DEGS2: variants seen among roughly 807,000 people sequenced by gnomAD.
DEGS2 encodes delta 4-desaturase, sphingolipid 2.
In DEGS2, 19 loss-of-function variants were observed where a neutral mutation model predicts 23.8. The ratio of observed to expected loss-of-function variants is 0.80; its 90% CI spans 0.56 to 1.17. The LOEUF (loss-of-function observed/expected upper bound fraction) is 1.17, where lower values mean the gene tolerates loss of function less well. DEGS2 is among the 50% of genes most tolerant of loss of function. The pLI, the probability that DEGS2 is intolerant of heterozygous loss-of-function variation, is 0.00. For missense variants in DEGS2, 390 were observed against 459.5 expected (o/e 0.85, Z 1.38); for synonymous variants, 218 against 213.7 (o/e 1.02, Z -0.18).
At chr14:100,160,349 A>G (rs2895857), upstream of DEGS2, among the ~76,000 whole-genome samples, 2 of 152,234 alleles carry the variant, frequency 1.3e-5, no homozygotes, top group Non-Finnish European at 2.9e-5. Flanking sequence ...CTAGGATCCA[A>G]TAGAAGGAAC....
intron 1 of DEGS2, among the ~76,000 whole-genome samples, chr14:100,151,683 G>A (rs1304351286): frequency 6.6e-6 from 1 of 152,206 alleles, no homozygotes; most frequent in African/African-American, 2.4e-5. Flanking sequence ...TTGCACCCAA[G>A]GAGTTCCAGA....
At chr14:100,159,854 C>G (rs1430203114), upstream of DEGS2, 2 of 267,566 alleles carry the variant, frequency 7.5e-6, no homozygotes, top group Non-Finnish European at 1.4e-5. Flanking sequence ...ACCGAGGTGG[C>G]CGCGTGCCAT....
At chr14:100,154,498 C>A (rs780427653) in intron 1 of DEGS2, among the ~76,000 whole-genome samples, 6 of 152,242 alleles carry the variant, frequency 3.9e-5, no homozygotes, top group Non-Finnish European at 8.8e-5. Context: ...GCCTCTGTGG[C>A]TGGGAGCCCA....
At position 100,147,170 on chromosome 14, in the gene DEGS2, T is replaced by C. The variant is rs61991267; in HGVS notation, c.826-263A>G. Among the ~76,000 whole-genome samples the C allele has an allele frequency of 8.3e-3, 1,261 of 152,302 alleles. 12 individuals carry two copies. The highest frequency in any genetic ancestry group is 0.015 in the Non-Finnish European group (1,001 of 68,014). On this transcript the variant is annotated intron_variant, in intron 2 of 2. Coordinates refer to ENST00000305631, the MANE Select transcript of DEGS2 (RefSeq NM_206918.3). ...TGCCAACCACCACTTCCTGGGTGCC[T>C]GGAAGCGTGGCGCTGGCTGCTGGAG...
At chr14:100,155,145 C>T (rs1178733733) in intron 1 of DEGS2, among the ~76,000 whole-genome samples, 3 of 152,174 alleles carry the variant, frequency 2.0e-5, no homozygotes, top group South Asian at 2.1e-4. Flanking sequence ...CCACCTCTGC[C>T]GCCACCTGCT....
rs756092779 is a variant in DEGS2 at position 100,146,937 on chromosome 14, T to C, written c.826-30A>G. ...AGAGAGGAGGGCGGGGCTCAGGGGC[T>C]GGTTCTCCTCGGGGCCGCACCCGCG... On this transcript the variant is annotated intron_variant, in intron 2 of 2. Transcript: ENST00000305631. 3.1e-6 allele frequency: 5 copies of C among 1,601,752 alleles called. No individual in the cohort carries two copies. In the South Asian group the frequency reaches 4.5e-5, roughly 14 times the overall value.
At chr14:100,164,549 A>G (rs955264463), upstream of DEGS2, among the ~76,000 whole-genome samples, 6 of 152,180 alleles carry the variant, frequency 3.9e-5, no homozygotes, top group Non-Finnish European at 5.9e-5. Context: ...AGGCAGGAGA[A>G]TCACTTGTAC....
intron 1 of DEGS2, among the ~76,000 whole-genome samples, chr14:100,154,999 C>A (rs1889635392): frequency 6.6e-6 from 1 of 152,202 alleles, no homozygotes; most frequent in Admixed American, 6.5e-5. Context: ...CCCAGTGAGC[C>A]CCCAAGCCCT....
upstream of DEGS2, among the ~76,000 whole-genome samples, chr14:100,163,257 A>G (rs1331290991): frequency 6.6e-6 from 1 of 152,156 alleles, no homozygotes; most frequent in Non-Finnish European, 1.5e-5. Context: ...CCTGGCCAAC[A>G]TGATGAAACC....
chr14:100,160,092 A>G (rs1232080697), upstream of DEGS2: 1 of 152,478 alleles, frequency 6.6e-6, no homozygotes, highest in Non-Finnish European at 1.5e-5. Flanking sequence ...ATCGGCGTGG[A>G]ATGGATGCGA....
chr14:100,156,108 G>T (rs906823729), intron 1 of DEGS2, among the ~76,000 whole-genome samples: 3 of 152,228 alleles, frequency 2.0e-5, no homozygotes, highest in African/African-American at 7.2e-5. Flanking sequence ...TCTTTGCAAG[G>T]ACTTCCTGGA....
chr14:100,152,105 C>G (rs961039902), intron 1 of DEGS2, among the ~76,000 whole-genome samples: 1 of 152,112 alleles, frequency 6.6e-6, no homozygotes, highest in East Asian at 1.9e-4. Context: ...AGGTGTCCCT[C>G]GACTTAGCCA....
At chr14:100,154,374 A>G (rs1158347281) in intron 1 of DEGS2, among the ~76,000 whole-genome samples, 1 of 150,582 alleles carries the variant, frequency 6.6e-6, no homozygotes, top group Non-Finnish European at 1.5e-5. Flanking sequence ...AAAAAAAAAG[A>G]AAGAAAAAAT....
In DEGS2 at chr14:100,149,197, G is replaced by A. The variant is rs754107161; in HGVS notation, c.596C>T (p.Ala199Val). 6.2e-7 allele frequency: 1 copy of A among 1,612,528 alleles called. No homozygotes were observed. The highest frequency in any genetic ancestry group is 8.5e-7 in the Non-Finnish European group (1 of 1,179,742). The change falls in exon 2 of 3, where the codon GCC becomes GTC. Residue 199 changes from alanine (A) to valine (V), a missense_variant. Physicochemically the swap from Ala to Val is moderately conservative, Grantham distance 64 (BLOSUM62 0). Coordinates refer to ENST00000305631, the MANE Select transcript of DEGS2 (RefSeq NM_206918.3). ...CTTGAGCCCCCAAAGGGCAAAGATG[G>A]CCAGGTCGGCCGCCAGCTGCACCAG... The part of the protein sequence containing the change: ...NTLVQLAADL[A>V]IFALWGLKPV...
chr14:100,152,756 GACTCAGACTGAACCACGCT>G (rs1381156265), intron 1 of DEGS2, among the ~76,000 whole-genome samples: 2 of 152,072 alleles, frequency 1.3e-5, no homozygotes, highest in African/African-American at 4.8e-5. Flanking sequence ...GAGGCCCTCA[GACTCAGACTGAACCACGCT>G]ACCCCTACTG....
At position 100,149,364 on chromosome 14, in the gene DEGS2, G is replaced by A. The variant is rs145263822; in HGVS notation, c.429C>T (p.Asp143=). The change falls in exon 2 of 3, where the codon GAC becomes GAT. Residue 143 remains aspartate, a synonymous_variant. Coordinates refer to ENST00000305631, the MANE Select transcript of DEGS2 (RefSeq NM_206918.3). The part of the protein sequence containing the change: ...RYLGGDGLDV[D]VPTRLEGWFF... Reference sequence around the variant, plus strand: ...ACCAGCCCTCCAGACGCGTGGGCACGTCCACGTCCAGCCCGTCGCCGCCCA... The same window carrying A: ...ACCAGCCCTCCAGACGCGTGGGCACATCCACGTCCAGCCCGTCGCCGCCCA... The A allele has an allele frequency of 7.7e-5, 124 of 1,607,384 alleles. No individual in the cohort carries two copies. The highest frequency in any genetic ancestry group is 6.1e-5 in the Non-Finnish European group (72 of 1,176,436).
In DEGS2 at chr14:100,159,489, C is replaced by A. The variant is rs1473172057; in HGVS notation, c.82+17G>T. The A allele has an allele frequency of 6.7e-7, 1 of 1,481,498 alleles. No individual in the cohort carries two copies. Among genetic ancestry groups the A allele is most frequent in the Admixed American group, 2.3e-5 (1 of 44,060 alleles). The allele number at this position is 1,481,498 out of a possible 1,614,324, so 91.8% of individuals were successfully genotyped here. On this transcript the variant is annotated intron_variant, in intron 1 of 2. Coordinates refer to ENST00000305631, the MANE Select transcript of DEGS2 (RefSeq NM_206918.3). ...ACGGGGCGGTCCCCACCGGGGTGGG[C>A]CCCGCGCGGCGCTCACCCAGTATCT...
rs1413484991 is a variant in DEGS2, at chr14:100,159,491, C to T, written c.82+15G>A. Reference sequence around the variant, plus strand: ...GGGGCGGTCCCCACCGGGGTGGGCCCCGCGCGGCGCTCACCCAGTATCTCC... The same window carrying T: ...GGGGCGGTCCCCACCGGGGTGGGCCTCGCGCGGCGCTCACCCAGTATCTCC... On this transcript the variant is annotated intron_variant, in intron 1 of 2. Transcript: ENST00000305631. 1.3e-6 allele frequency: 2 copies of T among 1,484,582 alleles called. No homozygotes were observed. The highest frequency in any genetic ancestry group is 2.6e-5 in the South Asian group (2 of 78,122). 92.0% of individuals were successfully genotyped at this position (1,484,582 alleles called of 1,614,324 possible).
Position 100,153,205 on chromosome 14 carries a change from G to A in DEGS2, c.83-3495C>T, listed in dbSNP as rs533538489. 2.6e-4 allele frequency among the ~76,000 whole-genome samples: 39 copies of A among 152,148 alleles called. 1 individual carries two copies. In the South Asian group the frequency reaches 3.7e-3, roughly 15 times the overall value. ...CAGGAGTTCGGGGCTGCAGTGAGCC[G>A]CAATTGCACCACTGCACTCCAGCCT... On this transcript the variant is annotated intron_variant, in intron 1 of 2. Transcript: ENST00000305631.
Sources: allele counts gnomAD v4.1 joint callset (sites outside exome capture counted in the v4.1 genomes callset), GRCh38; gene constraint gnomAD v4.1.1; transcripts MANE v1.5; gene names NCBI Gene and HGNC (gene_info 2026-07-23, HGNC 2026-07-21).